The following PKHD1 variants were observed in gnomAD, a reference collection of about 807,000 sequenced individuals.
PKHD1 encodes fibrocystin.
A neutral mutation model predicts 412.0 loss-of-function variants in PKHD1; 291 were observed. The observed-to-expected ratio is 0.71, with a 90% CI of 0.64 to 0.78. The LOEUF (loss-of-function observed/expected upper bound fraction) is 0.78. Ranked by LOEUF, PKHD1 falls within the 30% of genes least tolerant of loss-of-function variation. PKHD1 has a pLI of 0.00. For synonymous variants in PKHD1, 1,777 were observed against 1,821.5 expected (o/e 0.98, Z 0.62); for missense variants, 4,825 against 4,950.7 (o/e 0.97, Z 0.76).
At chr6:52,010,263 T>A (rs1197547157) in intron 35 of PKHD1, 46 bp downstream of exon 35, 1 of 1,562,576 alleles carries the variant, frequency 6.4e-7, no homozygotes, top group Admixed American at 1.7e-5. Context: ...ATTACAAATT[T>A]AATTTGAGCT....
intron 64 of PKHD1, among the ~76,000 whole-genome samples, chr6:51,637,731 T>A (rs1581777303): frequency 6.6e-6 from 1 of 151,854 alleles, no homozygotes. Flanking sequence ...TGGTGAAACC[T>A]CATTTCTACT....
Position 51,775,932 on chromosome 6 carries a change from AG to A in PKHD1, c.8441-12del, listed in dbSNP as rs776097130. 2 of 1,164,294 alleles carry A rather than the reference AG, an allele frequency of 1.7e-6. No individual in the cohort carries two copies. The highest frequency in any genetic ancestry group is 3.0e-5 in the African/African-American group (2 of 66,250). The allele number at this position is 1,164,294 out of a possible 1,614,324, so 72.1% of individuals were successfully genotyped here. On this transcript the variant is annotated splice_polypyrimidine_tract_variant and intron_variant, in intron 53 of 66. Transcript: ENST00000371117. ...GATTTTCTAAAGTACCTGTTTACAAAGAAAAGTATATCATTCAAATCAATTT... is the reference window on the plus strand; with the variant it reads ...GATTTTCTAAAGTACCTGTTTACAAAAAAAGTATATCATTCAAATCAATTT...
intron 35 of PKHD1, among the ~76,000 whole-genome samples, chr6:51,970,443 T>A (rs1301425142): frequency 1.3e-5 from 2 of 152,190 alleles, no homozygotes; most frequent in Non-Finnish European, 1.5e-5. Flanking sequence ...GTGCAGAAGG[T>A]TTTTAGTTTT....
intron 65 of PKHD1, among the ~76,000 whole-genome samples, chr6:51,631,352 T>C (rs1220080811): frequency 6.6e-6 from 1 of 152,126 alleles, no homozygotes; most frequent in Non-Finnish European, 1.5e-5. Flanking sequence ...AGGAGCTGCC[T>C]TGTAGTTAGT....
In PKHD1 at chr6:51,894,864, G is replaced by A. The variant is rs185255919; in HGVS notation, c.6997-7619C>T. ...TGGTTATCGTTATGTTATCATTGGA[G>A]GGAGCTAGATGAAGAGCACATAGGA... is the stretch of plus-strand genomic sequence containing the variant. On this transcript the variant is annotated intron_variant, in intron 43 of 66. Coordinates refer to ENST00000371117, the MANE Select transcript of PKHD1 (RefSeq NM_138694.4). Among the ~76,000 whole-genome samples, 204 of 152,316 alleles carry A rather than the reference G, an allele frequency of 1.3e-3. 2 individuals carry two copies. Among genetic ancestry groups the A allele is most frequent in the African/African-American group, 4.7e-3 (195 of 41,578 alleles).
intron 60 of PKHD1, among the ~76,000 whole-genome samples, chr6:51,736,574 T>C (rs1018542709): frequency 6.6e-6 from 1 of 152,210 alleles, no homozygotes; most frequent in Non-Finnish European, 1.5e-5. Flanking sequence ...AAAAGTCTAA[T>C]GTTTAACCAT....
At chr6:51,860,446 G>T (rs1393443884) in intron 48 of PKHD1, among the ~76,000 whole-genome samples, 1 of 152,132 alleles carries the variant, frequency 6.6e-6, no homozygotes, top group Non-Finnish European at 1.5e-5. Context: ...ATTTTCACTT[G>T]CCCTAAATAG....
At chr6:51,780,898 A>G (rs1166142663) in intron 53 of PKHD1, among the ~76,000 whole-genome samples, 5 of 152,200 alleles carry the variant, frequency 3.3e-5, no homozygotes, top group Non-Finnish European at 5.9e-5. Flanking sequence ...AACAAATTGT[A>G]TTTTTATATA....
At chr6:51,874,699 C>A (rs965448348) in intron 46 of PKHD1, among the ~76,000 whole-genome samples, 3 of 151,970 alleles carry the variant, frequency 2.0e-5, no homozygotes, top group Admixed American at 6.6e-5. Context: ...GAGGCCAAGG[C>A]GGGCGGATCA....
intron 41 of PKHD1, among the ~76,000 whole-genome samples, chr6:51,905,887 A>G (rs1781993656): frequency 6.6e-6 from 1 of 152,150 alleles, no homozygotes; most frequent in Non-Finnish European, 1.5e-5. Context: ...GCCAACATCC[A>G]AGTTTGACAG....
chr6:51,893,762 G>C (rs1254046624), intron 43 of PKHD1, among the ~76,000 whole-genome samples: 1 of 151,790 alleles, frequency 6.6e-6, no homozygotes, highest in Non-Finnish European at 1.5e-5. Context: ...GAAAAAAAGT[G>C]AGTTAACCCT....
intron 33 of PKHD1, among the ~76,000 whole-genome samples, chr6:52,019,942 C>T (rs1239914543): frequency 6.6e-6 from 1 of 152,130 alleles, no homozygotes; most frequent in Non-Finnish European, 1.5e-5. Flanking sequence ...GCTTTAACTC[C>T]CCCTGCCCCA....
chr6:52,067,493 A>T (rs1809913233), intron 11 of PKHD1, among the ~76,000 whole-genome samples: 1 of 152,212 alleles, frequency 6.6e-6, no homozygotes, highest in Admixed American at 6.5e-5. Context: ...CCTCGAGAAG[A>T]TCAGCATGGT....
intron 48 of PKHD1, among the ~76,000 whole-genome samples, chr6:51,857,703 C>G (rs1308667036): frequency 6.6e-6 from 1 of 152,174 alleles, no homozygotes; most frequent in African/African-American, 2.4e-5. Flanking sequence ...TTCTGCACTA[C>G]TTATTTGAAT....
At chr6:51,935,976 T>C (rs1315010561) in intron 36 of PKHD1, among the ~76,000 whole-genome samples, 1 of 152,192 alleles carries the variant, frequency 6.6e-6, no homozygotes, top group East Asian at 1.9e-4. Context: ...CCCTAGCCCC[T>C]TGCCTAAATG....
intron 43 of PKHD1, among the ~76,000 whole-genome samples, chr6:51,889,226 A>T (rs116448677): frequency 5.9e-4 from 90 of 152,170 alleles, no homozygotes; most frequent in African/African-American, 2.1e-3. Flanking sequence ...GGGCTTGGAG[A>T]GCTCATCCTG....
chr6:51,753,672 C>T (rs564855587), intron 56 of PKHD1, among the ~76,000 whole-genome samples: 1 of 152,292 alleles, frequency 6.6e-6, no homozygotes, highest in African/African-American at 2.4e-5. Context: ...GGGTCCCCAA[C>T]CTGCCTTAAA....
intron 43 of PKHD1, among the ~76,000 whole-genome samples, chr6:51,895,606 G>C (rs1779787034): frequency 6.6e-6 from 1 of 151,974 alleles, no homozygotes; most frequent in African/African-American, 2.4e-5. Flanking sequence ...TTTAGAAATT[G>C]TGCTAGTGTC....
intron 43 of PKHD1, among the ~76,000 whole-genome samples, chr6:51,898,201 C>G (rs1458202281): frequency 2.0e-5 from 3 of 152,032 alleles, no homozygotes; most frequent in Non-Finnish European, 4.4e-5. Flanking sequence ...CTCAAATCAA[C>G]AGAATATACA....
Sources: allele counts gnomAD v4.1 joint callset (sites outside exome capture counted in the v4.1 genomes callset), GRCh38; gene constraint gnomAD v4.1.1; transcripts MANE v1.5; gene names NCBI Gene and HGNC (gene_info 2026-07-23, HGNC 2026-07-21).